Variants in CBLB observed in about 807,000 individuals in gnomAD.
CBLB encodes E3 ubiquitin-protein ligase CBL-B.
Under a neutral mutation model 104.9 loss-of-function variants are expected in CBLB, and 31 were observed. The observed-to-expected ratio is 0.30, with a 90% confidence interval of 0.22 to 0.40. The LOEUF is 0.40. CBLB is among the 10% of genes least tolerant of loss of function. The pLI is 1.00. For synonymous variants in CBLB, 440 were observed against 422.6 expected, an observed-to-expected ratio of 1.04 and a Z score of -0.51; for missense variants, 1,062 against 1,214.6, an observed-to-expected ratio of 0.87 and a Z score of 1.87.
intron 18 of CBLB, among the ~76,000 whole-genome samples, chr3:105,662,200 A>G (rs1436189994): frequency 1.3e-5 from 2 of 152,020 alleles, no homozygotes; most frequent in African/African-American, 2.4e-5. Flanking sequence ...CGCAGCCTTC[A>G]CTTTCTCCAC....
chr3:105,745,416 A>C (rs141285812), intron 6 of CBLB, among the ~76,000 whole-genome samples: 9 of 152,356 alleles, frequency 5.9e-5, no homozygotes, highest in Non-Finnish European at 1.2e-4. Context: ...TTATGAAAAA[A>C]GTTTTCAAGG....
chr3:105,789,637 C>A (rs2081409697), intron 3 of CBLB, among the ~76,000 whole-genome samples: 1 of 152,078 alleles, frequency 6.6e-6, no homozygotes. Flanking sequence ...GGTAGAAAAA[C>A]CCCTGACATT....
intron 3 of CBLB, among the ~76,000 whole-genome samples, chr3:105,823,061 A>C (rs557132993): frequency 3.3e-5 from 5 of 152,302 alleles, no homozygotes; most frequent in Non-Finnish European, 5.9e-5. Context: ...GTTGAAATTA[A>C]AAGGCTCTGC....
chr3:105,691,126 TC>T (rs1170576113), intron 13 of CBLB, among the ~76,000 whole-genome samples: 1 of 152,234 alleles, frequency 6.6e-6, no homozygotes, highest in Non-Finnish European at 1.5e-5. Flanking sequence ...TTTTTCTTTC[TC>T]TTATATACTT....
chr3:105,763,939 A>C (rs2077944006), intron 4 of CBLB, among the ~76,000 whole-genome samples: 1 of 152,180 alleles, frequency 6.6e-6, no homozygotes, highest in Non-Finnish European at 1.5e-5. Flanking sequence ...ATTCTCCTAA[A>C]AGATGCAAAG....
At chr3:105,837,962 A>G (rs984063282) in intron 3 of CBLB, among the ~76,000 whole-genome samples, 4 of 152,204 alleles carry the variant, frequency 2.6e-5, no homozygotes, top group Non-Finnish European at 5.9e-5. Flanking sequence ...ATCATCCTAT[A>G]GTAATTCTAA....
intron 13 of CBLB, among the ~76,000 whole-genome samples, chr3:105,691,585 T>A (rs2067699313): frequency 6.6e-6 from 1 of 152,214 alleles, no homozygotes; most frequent in South Asian, 2.1e-4. Context: ...CATTTTCTAA[T>A]GTTCTCTGAG....
chr3:105,814,953 G>C (rs1021901703), intron 3 of CBLB, among the ~76,000 whole-genome samples: 2 of 128,308 alleles, frequency 1.6e-5, no homozygotes, highest in African/African-American at 6.1e-5. Flanking sequence ...TCCTGCCCCT[G>C]TGTCTCACAC....
chr3:105,736,828 C>G (rs1389777244), intron 8 of CBLB, among the ~76,000 whole-genome samples: 1 of 151,914 alleles, frequency 6.6e-6, no homozygotes, highest in Non-Finnish European at 1.5e-5. Context: ...CTTCAATTAC[C>G]CATTTGACTC....
At chr3:105,861,712 TACACACAC>T (rs147976333) in intron 2 of CBLB, among the ~76,000 whole-genome samples, 1 of 138,864 alleles carries the variant, frequency 7.2e-6, no homozygotes, top group African/African-American at 2.6e-5. Context: ...CACACATACA[TACACACAC>T]ACACACACAG....
chr3:105,693,599 A>G lies in CBLB; in HGVS notation c.1960-11T>C. ...ACCATTGGAAAAGACCTGAAAGTAA[A>G]TCAAATTGTTAGTTTCCAAGAATTT... is the stretch of plus-strand genomic sequence containing the variant. On this transcript the variant is annotated splice_polypyrimidine_tract_variant and intron_variant, in intron 12 of 18. Coordinates refer to ENST00000394030, the MANE Select transcript of CBLB (RefSeq NM_170662.5). The G allele has an allele frequency of 6.3e-7, 1 of 1,582,142 alleles. No individual in the cohort carries two copies. The highest frequency in any genetic ancestry group is 1.1e-5 in the South Asian group (1 of 90,294).
intron 3 of CBLB, among the ~76,000 whole-genome samples, chr3:105,842,057 AT>A (rs1275902178): frequency 2.6e-5 from 4 of 151,938 alleles, no homozygotes; most frequent in Admixed American, 2.6e-4. Flanking sequence ...TTCAATAAAG[AT>A]AATGTCTCCT....
chr3:105,675,095 T>A lies in CBLB; in HGVS notation c.2569+3336A>T, dbSNP rs527361830. On this transcript the variant is annotated intron_variant, in intron 17 of 18. Transcript: ENST00000394030. Reference sequence around the variant, plus strand: ...TGTAGGCTTGATTAGGTACTTAGTATAATATCATGAGAAAATTCAACCTCT... The same window carrying A: ...TGTAGGCTTGATTAGGTACTTAGTAAAATATCATGAGAAAATTCAACCTCT... Among the ~76,000 whole-genome samples, 200 of 151,972 alleles carry A rather than the reference T, an allele frequency of 1.3e-3. 8 individuals carry two copies. The highest frequency in any genetic ancestry group is 1.9e-4 in the East Asian group (1 of 5,186).
intron 3 of CBLB, among the ~76,000 whole-genome samples, chr3:105,826,246 A>G (rs1175613271): frequency 6.6e-6 from 1 of 152,214 alleles, no homozygotes; most frequent in African/African-American, 2.4e-5. Flanking sequence ...GAACATACAA[A>G]TATTTACCAC....
chr3:105,731,207 C>A (rs532380401), intron 9 of CBLB, among the ~76,000 whole-genome samples: 1 of 152,284 alleles, frequency 6.6e-6, no homozygotes, highest in African/African-American at 2.4e-5. Context: ...AGAAAGACAA[C>A]TGGGAAATGT....
upstream of CBLB, chr3:105,869,191 A>G (rs1451684440): frequency 1.6e-6 from 1 of 624,124 alleles, no homozygotes; most frequent in Non-Finnish European, 2.7e-6. Flanking sequence ...TCCACAGTAC[A>G]CAATGGCCCC....
At chr3:105,789,436 A>G (rs1025886) in intron 3 of CBLB, among the ~76,000 whole-genome samples, 149,404 of 152,286 alleles carry the variant, frequency 0.98, 73,358 homozygotes, top group East Asian at 1. Flanking sequence ...GTTTTTAGAA[A>G]AAATTTGTAC....
At chr3:105,659,997 T>A (rs1347387387) in intron 18 of CBLB, among the ~76,000 whole-genome samples, 15 of 152,154 alleles carry the variant, frequency 9.9e-5, no homozygotes, top group Non-Finnish European at 2.1e-4. Flanking sequence ...GATTAGTCCC[T>A]TGGTGATAAT....
intron 3 of CBLB, among the ~76,000 whole-genome samples, chr3:105,836,980 AAAT>A (rs1427755327): frequency 6.6e-6 from 1 of 152,164 alleles, no homozygotes; most frequent in African/African-American, 2.4e-5. Context: ...AAAAAAAAAA[AAAT>A]CATTTATAGC....
Sources: allele counts gnomAD v4.1 joint callset (sites outside exome capture counted in the v4.1 genomes callset), GRCh38; gene constraint gnomAD v4.1.1; transcripts MANE v1.5; gene names NCBI Gene and HGNC (gene_info 2026-07-23, HGNC 2026-07-21).